SEPTIN10: variants seen among roughly 807,000 people sequenced by gnomAD.
The protein encoded by SEPTIN10 is septin-10.
In SEPTIN10, 66 loss-of-function variants were observed where a neutral mutation model predicts 54.8. The observed-to-expected ratio is 1.21, with a 90% CI of 0.99 to 1.48. The LOEUF (loss-of-function observed/expected upper bound fraction) is 1.48, where lower values mean the gene tolerates loss of function less well. Among genes scored for constraint, SEPTIN10 ranks in the 40% most tolerant of loss-of-function variants. The probability of loss-of-function intolerance (pLI) is 0.00; values close to 1 mark genes in which losing one functional copy is unlikely to be tolerated. For synonymous variants in SEPTIN10, 161 were observed against 181.0 expected, an observed-to-expected ratio of 0.89 and a Z score of 0.89; for missense variants, 620 against 545.6, an observed-to-expected ratio of 1.14 and a Z score of -1.36.
At chr2:109,559,244 G>C (rs1158290642) in intron 8 of SEPTIN10, among the ~76,000 whole-genome samples, 1 of 152,130 alleles carries the variant, frequency 6.6e-6, no homozygotes, top group African/African-American at 2.4e-5. Flanking sequence ...AGACTATAAT[G>C]AGCTACAAAA....
intron 5 of SEPTIN10, among the ~76,000 whole-genome samples, chr2:109,573,697 C>G (rs940515618): frequency 1.3e-5 from 2 of 152,122 alleles, no homozygotes; most frequent in African/African-American, 4.8e-5. Context: ...TTTCGCATAC[C>G]ATTTGAGATT....
At chr2:109,569,923 G>T (rs1687963007) in intron 5 of SEPTIN10, among the ~76,000 whole-genome samples, 1 of 152,014 alleles carries the variant, frequency 6.6e-6, no homozygotes, top group Admixed American at 6.6e-5. Context: ...ATCTGGAGGT[G>T]GCCTGGGGAG....
chr2:109,548,453 G>C (rs1240463579), intron 9 of SEPTIN10, among the ~76,000 whole-genome samples: 1 of 152,090 alleles, frequency 6.6e-6, no homozygotes, highest in Non-Finnish European at 1.5e-5. Context: ...GGCTCACGGA[G>C]GTTTACACGC....
In SEPTIN10 at chr2:109,607,480, G is replaced by A. The variant is rs57096597; in HGVS notation, c.30+6318C>T. 5.9e-5 allele frequency among the ~76,000 whole-genome samples: 9 copies of A among 152,160 alleles called. No homozygotes were observed. The East Asian group carries it at 1.7e-3, about 29-fold the overall frequency. ...AGAGAGCAGAAATCGGTTCTTGGGA[G>A]GACAAAAATAAATAAATAAACAAAT... is the stretch of plus-strand genomic sequence containing the variant. On this transcript the variant is annotated intron_variant, in intron 1 of 10. Transcript: ENST00000397712.
intron 9 of SEPTIN10, among the ~76,000 whole-genome samples, chr2:109,548,977 A>C (rs1376845024): frequency 6.6e-6 from 1 of 152,164 alleles, no homozygotes; most frequent in African/African-American, 2.4e-5. Flanking sequence ...TAAAACAGAT[A>C]ATCGATTAAG....
intron 4 of SEPTIN10, among the ~76,000 whole-genome samples, chr2:109,582,075 G>C (rs1295013950): frequency 7.0e-6 from 1 of 143,766 alleles, no homozygotes; most frequent in East Asian, 2.0e-4. Flanking sequence ...ATGTACAACA[G>C]ACACACACAC....
intron 9 of SEPTIN10, 92 bp from the exon 10 acceptor site, chr2:109,546,329 G>T: frequency 1.3e-6 from 1 of 753,080 alleles, no homozygotes; most frequent in Non-Finnish European, 2.1e-6. Flanking sequence ...ACCCCATAGC[G>T]CAACACAGAA....
chr2:109,587,909 T>C (rs1457308854), intron 2 of SEPTIN10, among the ~76,000 whole-genome samples: 7 of 146,246 alleles, frequency 4.8e-5, no homozygotes, highest in African/African-American at 1.6e-4. Flanking sequence ...CAAGACTCCA[T>C]CTCCAAAAAA....
chr2:109,601,872 C>T (rs139186098), intron 1 of SEPTIN10, among the ~76,000 whole-genome samples: 6 of 152,040 alleles, frequency 3.9e-5, no homozygotes, highest in Non-Finnish European at 8.8e-5. Context: ...GGAAATATGA[C>T]TTTTTCCCAA....
Position 109,574,563 on chromosome 2 carries a change from T to C in SEPTIN10, c.600+18A>G. The C allele has an allele frequency of 6.9e-7, 1 of 1,457,986 alleles. No homozygotes were observed. The highest frequency in any genetic ancestry group is 9.1e-7 in the Non-Finnish European group (1 of 1,099,872). 90.3% of individuals were successfully genotyped at this position (1,457,986 alleles called of 1,614,324 possible). A position where few individuals can be genotyped will look rare whatever the true frequency, so the allele number is the denominator to read the frequency against. ...TAAATATTAAAGTATGGTAAGTTGA[T>C]TCCTTTCCTCAACCCACCTTGCTGT... On this transcript the variant is annotated intron_variant, in intron 5 of 10. Transcript: ENST00000397712.
At chr2:109,581,063 G>A (rs902388998) in intron 4 of SEPTIN10, among the ~76,000 whole-genome samples, 3 of 152,156 alleles carry the variant, frequency 2.0e-5, no homozygotes, top group Non-Finnish European at 4.4e-5. Flanking sequence ...CCATGACTAC[G>A]GCCATTTCCT....
intron 1 of SEPTIN10, among the ~76,000 whole-genome samples, chr2:109,594,116 T>C (rs1694732402): frequency 6.6e-6 from 1 of 152,138 alleles, no homozygotes; most frequent in Non-Finnish European, 1.5e-5. Context: ...GTAAACCAAA[T>C]GGATATTCAC....
intron 1 of SEPTIN10, among the ~76,000 whole-genome samples, chr2:109,609,504 G>T (rs1421654238): frequency 6.6e-6 from 1 of 151,890 alleles, no homozygotes; most frequent in East Asian, 1.9e-4. Flanking sequence ...GCTGCCAGGG[G>T]CTGGGGTTCT....
chr2:109,594,468 G>GT (rs200097892), intron 1 of SEPTIN10, among the ~76,000 whole-genome samples: 66 of 150,956 alleles, frequency 4.4e-4, no homozygotes, highest in South Asian at 1.3e-3. Context: ...CTGCACTGTG[G>GT]TTTTTTTTTG....
chr2:109,556,569 C>T (rs1684414828), intron 8 of SEPTIN10, among the ~76,000 whole-genome samples: 1 of 152,096 alleles, frequency 6.6e-6, no homozygotes, highest in Non-Finnish European at 1.5e-5. Context: ...GCAGAGATTA[C>T]AAATGTGCAA....
At chr2:109,556,526 T>A (rs1684408755) in intron 8 of SEPTIN10, among the ~76,000 whole-genome samples, 1 of 152,128 alleles carries the variant, frequency 6.6e-6, no homozygotes, top group South Asian at 2.1e-4. Context: ...CAGGAACAGA[T>A]CCTAAACACT....
At chr2:109,572,557 G>C (rs551182226) in intron 5 of SEPTIN10, among the ~76,000 whole-genome samples, 1 of 150,702 alleles carries the variant, frequency 6.6e-6, no homozygotes, top group Admixed American at 6.6e-5. Flanking sequence ...AACCCCTCTT[G>C]ACTGCCTGTT....
chr2:109,560,026 T>C (rs577325182), intron 8 of SEPTIN10, among the ~76,000 whole-genome samples: 1 of 148,614 alleles, frequency 6.7e-6, no homozygotes, highest in Admixed American at 6.8e-5. Flanking sequence ...GTTCACGCCA[T>C]TCTCCTGCCT....
rs778227618 is a variant in SEPTIN10, at chr2:109,544,272, TTGTGA to T, written c.*32_*36del. Reference sequence around the variant, plus strand: ...CTAGTTTTTTTTTAATAAAGTTTGCTTGTGATGATGACCTTCTGTGCTCTGGAACT... The same window carrying T: ...CTAGTTTTTTTTTAATAAAGTTTGCTTGATGACCTTCTGTGCTCTGGAACT... On this transcript the variant is annotated 3_prime_UTR_variant, in exon 11 of 11. Transcript: ENST00000397712. The T allele has an allele frequency of 6.8e-6, 11 of 1,612,872 alleles. No homozygotes were observed. The South Asian group carries it at 1.2e-4, about 18-fold the overall frequency.
Sources: allele counts gnomAD v4.1 joint callset (sites outside exome capture counted in the v4.1 genomes callset), GRCh38; gene constraint gnomAD v4.1.1; transcripts MANE v1.5; gene names NCBI Gene and HGNC (gene_info 2026-07-23, HGNC 2026-07-21).